Variants in DLGAP3 observed in about 807,000 individuals in gnomAD.
DLGAP3 encodes the protein DLG associated protein 3.
DLGAP3 carries 17 observed loss-of-function variants against 81.2 expected under a neutral mutation model. The ratio of observed to expected loss-of-function variants is 0.21; its 90% CI spans 0.14 to 0.31. The LOEUF is 0.31. DLGAP3 is among the 10% of genes least tolerant of loss of function. DLGAP3 has a pLI of 1.00. For missense variants in DLGAP3, 1,124 were observed against 1,388.0 expected (o/e 0.81, Z 3.02); for synonymous variants, 577 against 587.4 (o/e 0.98, Z 0.26).
Position 34,900,231 on chromosome 1 carries a change from C to T in DLGAP3, c.1150G>A (p.Asp384Asn). Residue 384 changes from aspartate (D) to asparagine (N), a missense_variant, in exon 4 of 12, where the codon GAT (aspartate) becomes AAT (asparagine). Asp to Asn is a conservative substitution (Grantham distance 23, BLOSUM62 1). Coordinates refer to ENST00000373347, the MANE Select transcript of DLGAP3 (RefSeq NM_001080418.3). The surrounding 1 kb of genome is among the most constrained non-coding windows in gnomAD (Gnocchi z 5.6). ...ATCCTGCGGCAGGGGATCTCCCCAT[C>T]CTTGCCACCGGTGGGGTAACCCCCC... ...DWGGYPTGGK[D>N]GEIPCRRMRS... 1 of 1,614,136 alleles carries T rather than the reference C, an allele frequency of 6.2e-7. No homozygotes were observed. Among genetic ancestry groups the T allele is most frequent in the Non-Finnish European group, 8.5e-7 (1 of 1,180,038 alleles).
Position 34,900,022 on chromosome 1 carries a change from G to C in DLGAP3, c.1313+46C>G, listed in dbSNP as rs1193314253. ...TACACACATCTCCCGCAGGAGTCCA[G>C]CATCAGCCTCCTGACCCCGCACCCC... On this transcript the variant is annotated intron_variant, in intron 4 of 11. Transcript: ENST00000373347. The surrounding 1 kb of genome is among the most constrained non-coding windows in gnomAD (Gnocchi z 5.6). 5.9e-6 allele frequency: 9 copies of C among 1,522,780 alleles called. No homozygotes were observed. The highest frequency in any genetic ancestry group is 1.4e-5 in the African/African-American group (1 of 73,254). The allele number at this position is 1,522,780 out of a possible 1,614,324, so 94.3% of individuals were successfully genotyped here. A position where few individuals can be genotyped will look rare whatever the true frequency, so the allele number is the denominator to read the frequency against.
chr1:34,917,202 C>A (rs563015401), intron 1 of DLGAP3, among the ~76,000 whole-genome samples: 2 of 152,278 alleles, frequency 1.3e-5, no homozygotes, highest in Non-Finnish European at 2.9e-5. Context: ...ATTACACAGC[C>A]ACGCAGTCAT....
At chr1:34,908,026 T>C (rs1639585117) in intron 1 of DLGAP3, among the ~76,000 whole-genome samples, 1 of 152,262 alleles carries the variant, frequency 6.6e-6, no homozygotes, top group Non-Finnish European at 1.5e-5. Context: ...GGTTATGCTC[T>C]TTATCGGGCT....
intron 11 of DLGAP3, among the ~76,000 whole-genome samples, chr1:34,866,642 T>C (rs1024711760): frequency 6.6e-6 from 1 of 152,194 alleles, no homozygotes; most frequent in Admixed American, 6.5e-5. Context: ...ACCAGGCCTC[T>C]GGCCCTCATC....
intron 1 of DLGAP3, among the ~76,000 whole-genome samples, chr1:34,925,215 A>G (rs1229745448): frequency 6.7e-6 from 1 of 149,662 alleles, no homozygotes; most frequent in African/African-American, 2.5e-5. Context: ...ATGTCCCAAG[A>G]GAGAAAAGAA....
At chr1:34,912,457 C>T (rs1398480756) in intron 1 of DLGAP3, among the ~76,000 whole-genome samples, 1 of 152,168 alleles carries the variant, frequency 6.6e-6, no homozygotes, top group African/African-American at 2.4e-5. Flanking sequence ...CACTCCTTCC[C>T]CAGGAAGTTG....
intron 8 of DLGAP3, among the ~76,000 whole-genome samples, chr1:34,878,928 CG>C (rs1320228195): frequency 6.6e-6 from 1 of 151,818 alleles, no homozygotes; most frequent in Non-Finnish European, 1.5e-5. Context: ...AAAAATTAGC[CG>C]GGCATGGTAG....
intron 11 of DLGAP3, 56 bp downstream of exon 11, chr1:34,866,992 G>A (rs1288526223): frequency 1.2e-6 from 2 of 1,607,220 alleles, no homozygotes; most frequent in Non-Finnish European, 1.7e-6. Flanking sequence ...CCACCTCTCT[G>A]GGGAGGGGAA....
chr1:34,913,352 C>T (rs1639667795), intron 1 of DLGAP3, among the ~76,000 whole-genome samples: 1 of 152,156 alleles, frequency 6.6e-6, no homozygotes, highest in Non-Finnish European at 1.5e-5. Context: ...CCCACACTAC[C>T]TATAATCTCT....
chr1:34,925,188 C>CT (rs1359365952), intron 1 of DLGAP3, among the ~76,000 whole-genome samples: 1 of 151,966 alleles, frequency 6.6e-6, no homozygotes, highest in Non-Finnish European at 1.5e-5. Flanking sequence ...TGACAACCCC[C>CT]CCCCCACCTT....
At chr1:34,890,018 AC>A (rs529931477) in intron 5 of DLGAP3, among the ~76,000 whole-genome samples, 16 of 152,228 alleles carry the variant, frequency 1.1e-4, no homozygotes, top group African/African-American at 3.6e-4. Context: ...GAAAAGTGAA[AC>A]CTTTGATGAA....
chr1:34,865,675 A>G lies in DLGAP3; in HGVS notation c.*408T>C. ...CTAGGCAGGGTTCGGGATTCTTCATAAAAAGCCACGAAGCTTGATCCCCAC... is the reference window on the plus strand; with the variant it reads ...CTAGGCAGGGTTCGGGATTCTTCATGAAAAGCCACGAAGCTTGATCCCCAC... On this transcript the variant is annotated 3_prime_UTR_variant, in exon 12 of 12. Coordinates refer to ENST00000373347, the MANE Select transcript of DLGAP3 (RefSeq NM_001080418.3). 3.5e-6 allele frequency: 1 copy of G among 288,640 alleles called. No individual in the cohort carries two copies. Among genetic ancestry groups the G allele is most frequent in the South Asian group, 2.8e-5 (1 of 36,282 alleles). 17.9% of individuals were successfully genotyped at this position (288,640 alleles called of 1,614,324 possible).
chr1:34,916,574 G>A (rs1444532846), intron 1 of DLGAP3, among the ~76,000 whole-genome samples: 2 of 152,208 alleles, frequency 1.3e-5, no homozygotes, highest in African/African-American at 4.8e-5. Flanking sequence ...CACATAGATG[G>A]TGGAAGAAGG....
chr1:34,897,306 C>A (rs373095476), intron 5 of DLGAP3, among the ~76,000 whole-genome samples: 6 of 152,160 alleles, frequency 3.9e-5, no homozygotes, highest in East Asian at 1.9e-4. Flanking sequence ...AGGAAGAAGA[C>A]AGAGAAGACC....
intron 8 of DLGAP3, among the ~76,000 whole-genome samples, chr1:34,870,676 G>C: frequency 6.6e-6 from 1 of 152,214 alleles, no homozygotes; most frequent in Non-Finnish European, 1.5e-5. Context: ...GAGAAGGAGA[G>C]AGAACATATC....
chr1:34,920,529 A>G (rs1312344860), intron 1 of DLGAP3, among the ~76,000 whole-genome samples: 2 of 152,200 alleles, frequency 1.3e-5, no homozygotes, highest in Non-Finnish European at 2.9e-5. Context: ...AAGCACATGC[A>G]TGTACATTTG....
At position 34,904,087 on chromosome 1, in the gene DLGAP3, T is replaced by C. The variant is rs1639503639; in HGVS notation, c.1107+190A>G. On this transcript the variant is annotated intron_variant, in intron 3 of 11. Transcript: ENST00000373347. The surrounding 1 kb of genome is among the most constrained non-coding windows in gnomAD (Gnocchi z 8.1). ...TCATTAGAACAGAAGGGCCCCTTCA[T>C]TGCACAAATGGGGAAAGTGAAGCCC... 6.6e-6 allele frequency among the ~76,000 whole-genome samples: 1 copy of C among 152,176 alleles called. No individual in the cohort carries two copies. Among genetic ancestry groups the C allele is most frequent in the South Asian group, 2.1e-4 (1 of 4,830 alleles).
intron 1 of DLGAP3, among the ~76,000 whole-genome samples, chr1:34,911,322 A>G (rs1639637129): frequency 6.6e-6 from 1 of 152,222 alleles, no homozygotes; most frequent in South Asian, 2.1e-4. Context: ...AGTGTGATTT[A>G]GCCTTTTCCC....
chr1:34,919,367 C>T (rs1426742103), intron 1 of DLGAP3, among the ~76,000 whole-genome samples: 1 of 152,214 alleles, frequency 6.6e-6, no homozygotes, highest in African/African-American at 2.4e-5. Context: ...TCCCAGCTTT[C>T]CCCACATACT....
Sources: gnomAD v4.1 joint callset for allele counts (sites outside exome capture counted in the v4.1 genomes callset) on GRCh38, gnomAD v4.1.1 for gene constraint, Gnocchi (gnomAD v3.1) non-coding constraint, MANE v1.5 for transcripts, NCBI Gene and HGNC (gene_info 2026-07-23, HGNC 2026-07-21) for gene names.